MSI2: variants seen among roughly 807,000 people sequenced by gnomAD.
MSI2 encodes musashi RNA binding protein 2.
A neutral mutation model predicts 45.6 loss-of-function variants in MSI2; 17 were observed. That is an observed-to-expected ratio of 0.37 (90% CI 0.26 to 0.56). The LOEUF (loss-of-function observed/expected upper bound fraction) is 0.56, where lower values mean the gene tolerates loss of function less well. MSI2 is among the 20% of genes least tolerant of loss of function. The pLI, the probability that MSI2 is intolerant of heterozygous loss-of-function variation, is 0.77. For missense variants in MSI2, 293 were observed against 444.2 expected (o/e 0.66, Z 3.06); for synonymous variants, 156 against 158.2 (o/e 0.99, Z 0.11).
chr17:57,475,850 C>T (rs1434636135), intron 6 of MSI2, among the ~76,000 whole-genome samples: 1 of 152,114 alleles, frequency 6.6e-6, no homozygotes, highest in Non-Finnish European at 1.5e-5. Flanking sequence ...TTCCTTTTCT[C>T]CTTTAAAAAC....
chr17:57,625,935 T>G (rs1266527481), intron 9 of MSI2: 1 of 152,338 alleles, frequency 6.6e-6, no homozygotes, highest in East Asian at 1.9e-4. Flanking sequence ...ATTCTGCTAC[T>G]GACACCAGAA....
At chr17:57,405,166 T>A (rs2084060127) in intron 6 of MSI2, among the ~76,000 whole-genome samples, 1 of 152,178 alleles carries the variant, frequency 6.6e-6, no homozygotes, top group Admixed American at 6.5e-5. Context: ...GTTGTTCCTT[T>A]GCTGGCCTCG....
intron 11 of MSI2, among the ~76,000 whole-genome samples, chr17:57,668,951 C>A (rs866960193): frequency 3.3e-5 from 5 of 152,192 alleles, no homozygotes; most frequent in Admixed American, 6.5e-5. Context: ...GGTTGGACAT[C>A]ATTGCCGATC....
At chr17:57,675,892 G>A (rs919782606) in intron 12 of MSI2, among the ~76,000 whole-genome samples, 3 of 152,234 alleles carry the variant, frequency 2.0e-5, no homozygotes, top group Non-Finnish European at 4.4e-5. Flanking sequence ...GCTGTTTTCA[G>A]ATTGTGTTGT....
chr17:57,461,425 G>T (rs1291237350), intron 6 of MSI2, among the ~76,000 whole-genome samples: 1 of 152,182 alleles, frequency 6.6e-6, no homozygotes, highest in African/African-American at 2.4e-5. Context: ...CTCGGCAGAG[G>T]GGCTTGGAAT....
Position 57,640,120 on chromosome 17 carries a change from G to A in MSI2, c.728-11979G>A, listed in dbSNP as rs1443616888. On this transcript the variant is annotated intron_variant, in intron 10 of 13. Coordinates refer to ENST00000284073, the MANE Select transcript of MSI2 (RefSeq NM_138962.4). Reference sequence around the variant, plus strand: ...GAGCTGGGCAAGACCCTGTTTCAAGGGCAGCACATCAGGGCAGGAGGGCAC... The same window carrying A: ...GAGCTGGGCAAGACCCTGTTTCAAGAGCAGCACATCAGGGCAGGAGGGCAC... 2.6e-5 allele frequency among the ~76,000 whole-genome samples: 4 copies of A among 152,108 alleles called. 1 individual carries two copies. Among genetic ancestry groups the A allele is most frequent in the Non-Finnish European group, 5.9e-5 (4 of 67,996 alleles).
At chr17:57,621,708 C>G (rs1034098326) in intron 9 of MSI2, among the ~76,000 whole-genome samples, 3 of 152,240 alleles carry the variant, frequency 2.0e-5, no homozygotes, top group African/African-American at 7.2e-5. Context: ...ATCTTGATCT[C>G]TGTTGATATG....
chr17:57,390,746 C>T (rs1428582463), intron 5 of MSI2, among the ~76,000 whole-genome samples: 5 of 152,182 alleles, frequency 3.3e-5, no homozygotes, highest in African/African-American at 1.2e-4. Flanking sequence ...GAGAACAGGC[C>T]TCGTTCTGGC....
chr17:57,374,989 C>A (rs1226429089), intron 5 of MSI2, among the ~76,000 whole-genome samples: 1 of 152,130 alleles, frequency 6.6e-6, no homozygotes, highest in Non-Finnish European at 1.5e-5. Flanking sequence ...ATTCCCCATA[C>A]AGATCGAACA....
At chr17:57,577,429 A>G (rs568037676) in intron 7 of MSI2, among the ~76,000 whole-genome samples, 50 of 152,352 alleles carry the variant, frequency 3.3e-4, no homozygotes, top group South Asian at 6.2e-4. Flanking sequence ...TCCCATTTCC[A>G]GACCCATAGA....
In MSI2 at chr17:57,627,556, A is replaced by G; in HGVS notation, c.727+253A>G. 1 of 551,068 alleles carries G rather than the reference A, an allele frequency of 1.8e-6. No individual in the cohort carries two copies. 34.1% of individuals were successfully genotyped at this position (551,068 alleles called of 1,614,324 possible). On this transcript the variant is annotated intron_variant, in intron 10 of 13. Transcript: ENST00000284073. This position sits in a 1 kb window ranked among gnomAD's most constrained non-coding sequence, Gnocchi z 4.6. ...TTTAAAGGGAAAGCAGAACGGAGGC[A>G]GGAGGCCTCCCTGTGCTCACCTCCT...
At chr17:57,622,428 T>C (rs9914092) in intron 9 of MSI2, among the ~76,000 whole-genome samples, 53,083 of 152,166 alleles carry the variant, frequency 0.35, 10,466 homozygotes, top group Non-Finnish European at 0.45. Flanking sequence ...TTGGCCTCGT[T>C]GGGCACATGC....
At chr17:57,312,538 A>C (rs770977027) in intron 5 of MSI2, among the ~76,000 whole-genome samples, 1 of 152,156 alleles carries the variant, frequency 6.6e-6, no homozygotes, top group Non-Finnish European at 1.5e-5. Flanking sequence ...TAACCTTCAA[A>C]AGAGCAAACC....
chr17:57,385,581 T>C (rs901971506), intron 5 of MSI2, among the ~76,000 whole-genome samples: 1 of 151,874 alleles, frequency 6.6e-6, no homozygotes, highest in Non-Finnish European at 1.5e-5. Context: ...AACCTGGGAG[T>C]TGAAGGTTGC....
At chr17:57,599,018 C>T (rs1905558910) in intron 8 of MSI2, among the ~76,000 whole-genome samples, 1 of 152,216 alleles carries the variant, frequency 6.6e-6, no homozygotes, top group African/African-American at 2.4e-5. Flanking sequence ...CTTGCATCCA[C>T]TGCCCAGATG....
chr17:57,353,505 TTTAC>T (rs1916193099), intron 5 of MSI2, among the ~76,000 whole-genome samples: 1 of 152,194 alleles, frequency 6.6e-6, no homozygotes, highest in African/African-American at 2.4e-5. Context: ...TCCTAAGACA[TTTAC>T]CTAAGATATT....
intron 7 of MSI2, among the ~76,000 whole-genome samples, chr17:57,531,011 A>C (rs2086810450): frequency 6.6e-6 from 1 of 151,990 alleles, no homozygotes. Context: ...CAGGGAGAGA[A>C]AGGAGGGGCA....
At chr17:57,318,301 C>G (rs1297279886) in intron 5 of MSI2, among the ~76,000 whole-genome samples, 1 of 151,934 alleles carries the variant, frequency 6.6e-6, no homozygotes, top group Non-Finnish European at 1.5e-5. Flanking sequence ...TGTTGATGGA[C>G]TCTGTGCTCT....
At chr17:57,604,144 T>A (rs1906253439) in intron 8 of MSI2, among the ~76,000 whole-genome samples, 1 of 152,208 alleles carries the variant, frequency 6.6e-6, no homozygotes, top group Non-Finnish European at 1.5e-5. Context: ...TTTGTGGCCT[T>A]GGGCAAGTTA....
Sources: gnomAD v4.1 joint callset for allele counts (sites outside exome capture counted in the v4.1 genomes callset) on GRCh38, gnomAD v4.1.1 for gene constraint, Gnocchi (gnomAD v3.1) non-coding constraint, MANE v1.5 for transcripts, NCBI Gene and HGNC (gene_info 2026-07-23, HGNC 2026-07-21) for gene names.